Variants in PPM1K observed in about 807,000 individuals in gnomAD.
PPM1K encodes the protein protein phosphatase, Mg2+/Mn2+ dependent 1K.
Under a neutral mutation model 32.6 loss-of-function variants are expected in PPM1K, and 19 were observed. The observed-to-expected ratio is 0.58, with a 90% CI of 0.41 to 0.86. The LOEUF is 0.86. PPM1K is among the 40% of genes least tolerant of loss of function. PPM1K has a pLI of 0.00. For missense variants in PPM1K, 362 were observed against 461.2 expected (o/e 0.78, Z 1.97); for synonymous variants, 159 against 165.3 (o/e 0.96, Z 0.29).
At chr4:88,263,465 G>T (rs1578310438) in intron 6 of PPM1K, among the ~76,000 whole-genome samples, 2 of 152,084 alleles carry the variant, frequency 1.3e-5, no homozygotes, top group East Asian at 1.9e-4. Flanking sequence ...TTGAGACAGG[G>T]TCTTATTCTG....
At position 88,278,801 on chromosome 4, in the gene PPM1K, A is replaced by C; in HGVS notation, c.-59-159T>G. 1.9e-6 allele frequency: 1 copy of C among 534,462 alleles called. No individual in the cohort carries two copies. The highest frequency in any genetic ancestry group is 3.3e-6 in the Non-Finnish European group (1 of 302,672). 33.1% of individuals were successfully genotyped at this position (534,462 alleles called of 1,614,324 possible). A position where few individuals can be genotyped will look rare whatever the true frequency, so the allele number is the denominator to read the frequency against. On this transcript the variant is annotated intron_variant, in intron 1 of 6. Transcript: ENST00000608933. The surrounding 1 kb of genome is among the most constrained non-coding windows in gnomAD (Gnocchi z 4.2). ...TGAAGCTCATAAAGGATTTGACAGA[A>C]AATACATATATTTATGTTATATATT...
intron 5 of PPM1K, among the ~76,000 whole-genome samples, chr4:88,267,891 G>A (rs1054510400): frequency 1.3e-5 from 2 of 152,176 alleles, no homozygotes; most frequent in African/African-American, 4.8e-5. Context: ...GGTTCAGCAC[G>A]TGCAAATGTC....
intron 4 of PPM1K, 135 bp downstream of exon 4, chr4:88,268,606 G>C: frequency 1.0e-6 from 1 of 991,452 alleles, no homozygotes; most frequent in South Asian, 1.5e-5. Flanking sequence ...GGGCGACAGA[G>C]TGAGACTCTG....
rs375112968 is a variant in PPM1K at position 88,266,512 on chromosome 4, G to A, written c.853-1377C>T. On this transcript the variant is annotated intron_variant, in intron 5 of 6. Transcript: ENST00000608933. The stretch of plus-strand genomic sequence containing the variant: ...AGGTGATGCTGGCTGAATGGGTGCA[G>A]GTGATGCTGATTGGGTGCAGGTGAT... 5.3e-4 allele frequency among the ~76,000 whole-genome samples: 79 copies of A among 149,172 alleles called. 1 individual carries two copies. Among genetic ancestry groups the A allele is most frequent in the African/African-American group, 1.9e-3 (75 of 40,402 alleles).
intron 6 of PPM1K, among the ~76,000 whole-genome samples, chr4:88,264,027 A>C (rs1009207585): frequency 1.3e-5 from 2 of 152,256 alleles, no homozygotes; most frequent in Non-Finnish European, 2.9e-5. Flanking sequence ...TACAAATTTC[A>C]TTACCTTTGT....
rs1731047007 is a variant in PPM1K at position 88,259,588 on chromosome 4, CTA to C, written c.*3005_*3006del. ...AACTAGAGCAGTCCCTTTTTTTTTA[CTA>C]TGATTTGCATATTTTCCAGTATCCT... On this transcript the variant is annotated 3_prime_UTR_variant, in exon 7 of 7. Transcript: ENST00000608933. 6.6e-6 allele frequency: 1 copy of C among 151,482 alleles called. No homozygotes were observed. The highest frequency in any genetic ancestry group is 2.1e-4 in the South Asian group (1 of 4,808). The allele number at this position is 151,482 out of a possible 1,614,324, so 9.4% of individuals were successfully genotyped here.
At chr4:88,276,166 T>C in intron 3 of PPM1K, 1 of 985,462 alleles carries the variant, frequency 1.0e-6, no homozygotes, top group South Asian at 4.7e-5. Flanking sequence ...AACTGACCTT[T>C]ACCACTCTAA....
chr4:88,270,584 G>T (rs937739942), intron 3 of PPM1K, among the ~76,000 whole-genome samples: 2 of 152,198 alleles, frequency 1.3e-5, no homozygotes, highest in Non-Finnish European at 2.9e-5. Flanking sequence ...CCAGATAAGG[G>T]AACACGGCAT....
chr4:88,272,615 A>C (rs1731608727), intron 3 of PPM1K, among the ~76,000 whole-genome samples: 1 of 152,190 alleles, frequency 6.6e-6, no homozygotes, highest in South Asian at 2.1e-4. Flanking sequence ...TGCTTTTATT[A>C]ATTGTAAAAG....
intron 3 of PPM1K, chr4:88,270,873 A>G (rs1167244791): frequency 7.3e-6 from 2 of 274,662 alleles, no homozygotes; most frequent in Non-Finnish European, 1.4e-5. Flanking sequence ...TAAGCATTTA[A>G]GAATGTAAAT....
chr4:88,282,666 A>G (rs1387191999), intron 1 of PPM1K, among the ~76,000 whole-genome samples: 3 of 152,196 alleles, frequency 2.0e-5, no homozygotes, highest in Non-Finnish European at 4.4e-5. Flanking sequence ...AAAGAAAACA[A>G]CAATAAAAAC....
At chr4:88,269,211 A>G (rs1731458663) in intron 3 of PPM1K, among the ~76,000 whole-genome samples, 1 of 152,240 alleles carries the variant, frequency 6.6e-6, no homozygotes, top group African/African-American at 2.4e-5. Flanking sequence ...ACTTGAACTT[A>G]TAACAACACC....
At chr4:88,282,908 C>T (rs1732072561) in intron 1 of PPM1K, among the ~76,000 whole-genome samples, 1 of 152,192 alleles carries the variant, frequency 6.6e-6, no homozygotes, top group Non-Finnish European at 1.5e-5. Context: ...AGCCACTCTC[C>T]TCTCTTCTTT....
intron 3 of PPM1K, among the ~76,000 whole-genome samples, chr4:88,273,491 A>T (rs892503165): frequency 6.6e-6 from 1 of 151,924 alleles, no homozygotes; most frequent in Non-Finnish European, 1.5e-5. Context: ...GACCAGCCTG[A>T]CCAACATGGC....
rs895042148 is a variant in PPM1K, at chr4:88,264,921, C to T, written c.987+80G>A. ...ATCAAGTGTAAAATTCACTGCAACA[C>T]TCAAAAGCTAAAACACAATGCCTGG... is the stretch of plus-strand genomic sequence containing the variant. On this transcript the variant is annotated intron_variant, in intron 6 of 6. Transcript: ENST00000608933. 3 of 1,441,898 alleles carry T rather than the reference C, an allele frequency of 2.1e-6. No individual in the cohort carries two copies. In the Admixed American group the frequency reaches 6.8e-5, roughly 33 times the overall value. The allele number at this position is 1,441,898 out of a possible 1,614,324, so 89.3% of individuals were successfully genotyped here.
At chr4:88,269,446 A>G (rs1273820302) in intron 3 of PPM1K, among the ~76,000 whole-genome samples, 2 of 152,166 alleles carry the variant, frequency 1.3e-5, no homozygotes, top group Non-Finnish European at 2.9e-5. Context: ...TGCATATTCT[A>G]CCCCTGTATG....
At chr4:88,274,145 C>A (rs1423802657) in intron 3 of PPM1K, among the ~76,000 whole-genome samples, 1 of 152,188 alleles carries the variant, frequency 6.6e-6, no homozygotes, top group African/African-American at 2.4e-5. Context: ...TCAAGTATTA[C>A]GCCAGACGAG....
chr4:88,277,359 A>C (rs901445111), intron 2 of PPM1K, 116 bp from the exon 3 acceptor site: 7 of 684,578 alleles, frequency 1.0e-5, no homozygotes, highest in Middle Eastern at 3.1e-4. Flanking sequence ...TTTCCTGTCA[A>C]ATGCTGAAGA....
intron 3 of PPM1K, chr4:88,276,286 A>G (rs1334120073): frequency 1.0e-6 from 1 of 985,190 alleles, no homozygotes; most frequent in East Asian, 1.1e-4. Flanking sequence ...TCTTTTTTTT[A>G]AGAAAAGGAT....
Sources: gnomAD v4.1 joint callset for allele counts (sites outside exome capture counted in the v4.1 genomes callset) on GRCh38, gnomAD v4.1.1 for gene constraint, Gnocchi (gnomAD v3.1) non-coding constraint, MANE v1.5 for transcripts, NCBI Gene and HGNC (gene_info 2026-07-23, HGNC 2026-07-21) for gene names.